OSBPL6: variants seen among roughly 807,000 people sequenced by gnomAD.
The protein encoded by OSBPL6 is oxysterol binding protein like 6, also known as oxysterol-binding protein-related protein 6.
A neutral mutation model predicts 125.8 loss-of-function variants in OSBPL6; 49 were observed. That is an observed-to-expected ratio of 0.39 (90% CI 0.31 to 0.49). The LOEUF is 0.49. Ranked by LOEUF, OSBPL6 falls within the 20% of genes least tolerant of loss-of-function variation. The pLI is 0.88. For synonymous variants in OSBPL6, 394 were observed against 391.8 expected (o/e 1.01, Z -0.07); for missense variants, 986 against 1,135.4 (o/e 0.87, Z 1.89).
At chr2:178,295,104 T>C (rs1685629374) in intron 2 of OSBPL6, among the ~76,000 whole-genome samples, 1 of 152,136 alleles carries the variant, frequency 6.6e-6, no homozygotes, top group Non-Finnish European at 1.5e-5. Flanking sequence ...TATTTTTCAA[T>C]TTGTACATTT....
chr2:178,392,670 A>G, intron 23 of OSBPL6, 132 bp downstream of exon 23: 2 of 1,173,042 alleles, frequency 1.7e-6, no homozygotes, highest in Non-Finnish European at 2.3e-6. Flanking sequence ...AGCCTGGACA[A>G]TATAGTGAGA....
chr2:178,382,922 T>C lies in OSBPL6; in HGVS notation c.1622-102T>C, dbSNP rs1694613378. ...TTTGAAAAGATATAATGAAGACTCA[T>C]GAAAGGTCTCAAAATCAGATTTATT... On this transcript the variant is annotated intron_variant, in intron 16 of 24. Coordinates refer to ENST00000190611, the MANE Select transcript of OSBPL6 (RefSeq NM_032523.4). 4 of 1,511,038 alleles carry C rather than the reference T, an allele frequency of 2.6e-6. No individual in the cohort carries two copies. In the Admixed American group the frequency reaches 8.5e-5, roughly 32 times the overall value. 93.6% of individuals were successfully genotyped at this position (1,511,038 alleles called of 1,614,324 possible).
chr2:178,379,331 G>GGAGGGAGGGAGGGGAAGGAAGGA (rs1694219335), intron 15 of OSBPL6, among the ~76,000 whole-genome samples: 6 of 91,722 alleles, frequency 6.5e-5, no homozygotes, highest in Admixed American at 2.9e-4. Flanking sequence ...GGAAGGAAAG[G>GGAGGGAGGGAGGGGAAGGAAGGA]AAGGGAGGGA....
At chr2:178,345,973 A>G (rs1690672103) in intron 11 of OSBPL6, among the ~76,000 whole-genome samples, 1 of 152,226 alleles carries the variant, frequency 6.6e-6, no homozygotes, top group Admixed American at 6.5e-5. Context: ...TCCCAGGGTG[A>G]CTATAGAAGT....
At chr2:178,323,058 G>T (rs1018030492) in intron 3 of OSBPL6, among the ~76,000 whole-genome samples, 2 of 152,178 alleles carry the variant, frequency 1.3e-5, no homozygotes, top group East Asian at 3.9e-4. Context: ...AGATAGTGAA[G>T]TATTCTTAAT....
At chr2:178,264,454 C>T (rs774130524) in intron 1 of OSBPL6, among the ~76,000 whole-genome samples, 7 of 152,126 alleles carry the variant, frequency 4.6e-5, no homozygotes, top group Admixed American at 6.5e-5. Flanking sequence ...GATAAGGGCC[C>T]GTTTCACAAG....
At chr2:178,386,807 G>A (rs1672636895) in intron 19 of OSBPL6, among the ~76,000 whole-genome samples, 3 of 151,792 alleles carry the variant, frequency 2.0e-5, no homozygotes, top group Admixed American at 2.0e-4. Flanking sequence ...CAAATAAAGA[G>A]CATATGTTAT....
In OSBPL6 at chr2:178,384,134, A is replaced by G. The variant is rs752379412; in HGVS notation, c.1971A>G (p.Glu657=). The change falls in exon 18 of 25, where the codon GAA becomes GAG. Residue 657 remains glutamate, a synonymous_variant. Transcript: ENST00000190611. ...PFNPVLGETY[E]CIREDKGFRF... ...ACCCAGTCCTTGGGGAGACTTATGA[A>G]TGCATTAGAGAAGACAAGGGATTCC... The G allele has an allele frequency of 4.3e-6, 7 of 1,614,052 alleles. No homozygotes were observed. The African/African-American group carries it at 9.3e-5, about 22-fold the overall frequency.
At chr2:178,256,893 T>G (rs149453079) in intron 1 of OSBPL6, among the ~76,000 whole-genome samples, 1 of 152,282 alleles carries the variant, frequency 6.6e-6, no homozygotes, top group African/African-American at 2.4e-5. Flanking sequence ...GACCAGAACA[T>G]TACAGCAGAA....
In OSBPL6 at chr2:178,339,143, A is replaced by G. The variant is rs201358035; in HGVS notation, c.894+49A>G. ...AAAAGGACTTAGGGTATTAATTAAT[A>G]CTCTTTATTGGGTTGTTCTATGAAT... On this transcript the variant is annotated intron_variant, in intron 10 of 24. Transcript: ENST00000190611. 5.1e-6 allele frequency: 6 copies of G among 1,185,376 alleles called. 1 individual carries two copies. Among genetic ancestry groups the G allele is most frequent in the Non-Finnish European group, 6.2e-6 (5 of 812,320 alleles). 73.4% of individuals were successfully genotyped at this position (1,185,376 alleles called of 1,614,324 possible).
chr2:178,364,787 G>A (rs1692657874), intron 13 of OSBPL6, among the ~76,000 whole-genome samples: 1 of 152,158 alleles, frequency 6.6e-6, no homozygotes, highest in Non-Finnish European at 1.5e-5. Flanking sequence ...GAAGATGGAT[G>A]CCCCTGCATA....
intron 4 of OSBPL6, among the ~76,000 whole-genome samples, chr2:178,327,017 TG>T (rs888460819): frequency 6.7e-5 from 10 of 148,726 alleles, no homozygotes; most frequent in African/African-American, 1.5e-4. Context: ...GGGGAAAGGG[TG>T]GGGGGTGGCG....
At chr2:178,266,104 T>G (rs333989) in intron 1 of OSBPL6, among the ~76,000 whole-genome samples, 112,944 of 151,952 alleles carry the variant, frequency 0.74, 42,657 homozygotes, top group East Asian at 0.85. Context: ...GAAACAGAAT[T>G]TGCTTTAGGA....
At chr2:178,196,923 G>A (rs967829528) in intron 1 of OSBPL6, among the ~76,000 whole-genome samples, 11 of 151,908 alleles carry the variant, frequency 7.2e-5, no homozygotes, top group African/African-American at 2.7e-4. Context: ...TTATATCTCT[G>A]GATTCATTCA....
At chr2:178,280,939 T>C (rs1163683553) in intron 1 of OSBPL6, among the ~76,000 whole-genome samples, 1 of 152,152 alleles carries the variant, frequency 6.6e-6, no homozygotes, top group Non-Finnish European at 1.5e-5. Context: ...AGTTTCTTTT[T>C]CTGTGCAGAA....
In OSBPL6 at chr2:178,328,332, G is replaced by A; in HGVS notation, c.272G>A (p.Gly91Asp). 1 of 1,613,824 alleles carries A rather than the reference G, an allele frequency of 6.2e-7. No homozygotes were observed. Among genetic ancestry groups the A allele is most frequent in the Non-Finnish European group, 8.5e-7 (1 of 1,179,824 alleles). The change falls in exon 5 of 25, where the codon GGC (glycine) becomes GAC (aspartate). Residue 91 changes from glycine (G) to aspartate (D), a missense_variant. This residue lies in a region of OSBPL6 where 130 missense variants were observed against 106.4 expected (regional missense o/e 1.22). Coordinates refer to ENST00000190611, the MANE Select transcript of OSBPL6 (RefSeq NM_032523.4). ...GTCCAGAAACCAGACAAACATGAGG[G>A]CTTTATGCTGAAGAAAAGAAAATGG... ...TNVQKPDKHEGFMLKKRKWPL... is the reference protein window; with the variant it reads ...TNVQKPDKHEDFMLKKRKWPL...
intron 1 of OSBPL6, among the ~76,000 whole-genome samples, chr2:178,236,740 A>C (rs1158841812): frequency 6.6e-6 from 1 of 152,164 alleles, no homozygotes; most frequent in African/African-American, 2.4e-5. Flanking sequence ...GTCTACAGTC[A>C]CTTATAACAT....
rs567456902 is a variant in OSBPL6, at chr2:178,289,159, A to G, written c.-156+4038A>G. Among the ~76,000 whole-genome samples the G allele has an allele frequency of 4.3e-4, 64 of 150,580 alleles. 1 individual carries two copies. Among genetic ancestry groups the G allele is most frequent in the South Asian group, 8.4e-4 (4 of 4,772 alleles). On this transcript the variant is annotated intron_variant, in intron 2 of 24. Coordinates refer to ENST00000190611, the MANE Select transcript of OSBPL6 (RefSeq NM_032523.4). The stretch of plus-strand genomic sequence containing the variant: ...CACCCTCCCGAGTAGCTGGGACTAC[A>G]GATGCGTGCCACCACACCCAGCTAA...
intron 1 of OSBPL6, chr2:178,230,332 T>TA (rs1213994880): frequency 6.6e-6 from 1 of 152,212 alleles, no homozygotes; most frequent in Non-Finnish European, 1.5e-5. Context: ...ACAGAATGGA[T>TA]ACTGAAGGCA....
Sources: allele counts gnomAD v4.1 joint callset (sites outside exome capture counted in the v4.1 genomes callset), GRCh38; gene constraint gnomAD v4.1.1; regional missense constraint gnomAD v4.1.1; transcripts MANE v1.5; gene names NCBI Gene and HGNC (gene_info 2026-07-23, HGNC 2026-07-21).